The following FBXO11 variants were observed in gnomAD, a reference collection of about 807,000 sequenced individuals.
FBXO11 encodes the protein F-box protein 11, also known as F-box only protein 11.
In FBXO11, 13 loss-of-function variants were observed where a neutral mutation model predicts 117.0. The ratio of observed to expected loss-of-function variants is 0.11; its 90% CI spans 0.07 to 0.18. The LOEUF (loss-of-function observed/expected upper bound fraction) is 0.18, where lower values mean the gene tolerates loss of function less well. FBXO11 is among the 10% of genes least tolerant of loss of function. The pLI is 1.00. For missense variants in FBXO11, 767 were observed against 1,164.4 expected, an observed-to-expected ratio of 0.66 and a Z score of 4.97; for synonymous variants, 490 against 380.5, an observed-to-expected ratio of 1.29 and a Z score of -3.35.
At chr2:47,825,093 T>C (rs1671652075) in intron 11 of FBXO11, among the ~76,000 whole-genome samples, 1 of 131,424 alleles carries the variant, frequency 7.6e-6, no homozygotes, top group African/African-American at 2.5e-5. Context: ...TTTGATGAAT[T>C]TTTTTTGCCA....
chr2:47,901,154 CAT>C (rs374335784), intron 1 of FBXO11, among the ~76,000 whole-genome samples: 2 of 109,322 alleles, frequency 1.8e-5, no homozygotes, highest in Non-Finnish European at 1.9e-5. Flanking sequence ...CACGTGTGTA[CAT>C]ATATACATAT....
chr2:47,903,711 G>C (rs967773738), intron 1 of FBXO11, among the ~76,000 whole-genome samples: 2 of 152,136 alleles, frequency 1.3e-5, no homozygotes, highest in Non-Finnish European at 2.9e-5. Context: ...TCTTGAAAAA[G>C]CTTACTGTAG....
chr2:47,834,626 G>C lies in FBXO11; in HGVS notation c.887C>G (p.Thr296Ser). 1 of 1,605,578 alleles carries C rather than the reference G, an allele frequency of 6.2e-7. No individual in the cohort carries two copies. Among genetic ancestry groups the C allele is most frequent in the Non-Finnish European group, 8.5e-7 (1 of 1,174,256 alleles). ...GLIFVHSGIY[T>S]DEWIYIESPI... Reference sequence around the variant, plus strand: ...AGATTCAATATATATCCATTCATCAGTATATATTCCAGAATGAACAAAGAT... The same window carrying C: ...AGATTCAATATATATCCATTCATCACTATATATTCCAGAATGAACAAAGAT... The change falls in exon 7 of 23, where the codon ACT becomes AGT. Residue 296 changes from threonine (T) to serine (S), a missense_variant. Transcript: ENST00000403359.
At chr2:47,884,969 A>C (rs1195516159) in intron 1 of FBXO11, among the ~76,000 whole-genome samples, 1 of 152,232 alleles carries the variant, frequency 6.6e-6, no homozygotes, top group Admixed American at 6.5e-5. Flanking sequence ...TCTATTAATG[A>C]GGAAATACAT....
intron 1 of FBXO11, among the ~76,000 whole-genome samples, chr2:47,868,576 C>T (rs1392046666): frequency 6.6e-6 from 1 of 152,116 alleles, no homozygotes; most frequent in Non-Finnish European, 1.5e-5. Flanking sequence ...CTACTTTAAT[C>T]GCCCACATTC....
intron 1 of FBXO11, among the ~76,000 whole-genome samples, chr2:47,893,886 A>G (rs1238949287): frequency 1.3e-5 from 2 of 152,228 alleles, no homozygotes; most frequent in Non-Finnish European, 2.9e-5. Context: ...GAATGTGGCT[A>G]TGTGTTGAAA....
Position 47,808,406 on chromosome 2 carries a change from T to A in FBXO11, c.2577A>T (p.Thr859=). The part of the protein sequence containing the change: ...DFYRCHTCNT[T]DRNAICVNCI... Reference sequence around the variant, plus strand: ...AGTTCACACATATGGCATTTCGATCTGTGGTGTTACAAGTATGACATCTAA... The same window carrying A: ...AGTTCACACATATGGCATTTCGATCAGTGGTGTTACAAGTATGACATCTAA... The change falls in exon 22 of 23, where the codon ACA becomes ACT. Residue 859 remains threonine (T), a synonymous_variant. Transcript: ENST00000403359. 6.2e-7 allele frequency: 1 copy of A among 1,602,798 alleles called. No individual in the cohort carries two copies. The highest frequency in any genetic ancestry group is 8.5e-7 in the Non-Finnish European group (1 of 1,175,954).
intron 1 of FBXO11, among the ~76,000 whole-genome samples, chr2:47,846,157 T>C (rs941328452): frequency 4.6e-5 from 7 of 152,110 alleles, no homozygotes; most frequent in Non-Finnish European, 7.4e-5. Flanking sequence ...TGCCAACAAG[T>C]CTAAAAGCAA....
intron 1 of FBXO11, among the ~76,000 whole-genome samples, chr2:47,860,414 T>G (rs1674671451): frequency 1.3e-5 from 2 of 151,500 alleles, no homozygotes; most frequent in South Asian, 4.2e-4. Flanking sequence ...CCCTGGATTT[T>G]TTTTTTTTTT....
intron 4 of FBXO11, chr2:47,836,991 G>C: frequency 6.0e-6 from 2 of 334,816 alleles, no homozygotes; most frequent in Non-Finnish European, 5.8e-6. Flanking sequence ...GCCCACTTCA[G>C]CCTCCCAAAG....
At chr2:47,835,798 T>C (rs2104831310) in intron 5 of FBXO11, 74 bp downstream of exon 5, 2 of 1,264,970 alleles carry the variant, frequency 1.6e-6, no homozygotes, top group East Asian at 2.9e-5. Flanking sequence ...ACGCCCAGCC[T>C]AAACTTATTT....
chr2:47,893,055 T>G (rs1677379116), intron 1 of FBXO11, among the ~76,000 whole-genome samples: 1 of 151,940 alleles, frequency 6.6e-6, no homozygotes, highest in South Asian at 2.1e-4. Flanking sequence ...ATCCGGAGGC[T>G]GAGGCACAAG....
At chr2:47,900,867 C>CACACACGTGTATATATATACACGTATAT (rs1337762363) in intron 1 of FBXO11, among the ~76,000 whole-genome samples, 2 of 135,944 alleles carry the variant, frequency 1.5e-5, no homozygotes, top group Admixed American at 7.2e-5. Context: ...CACGTATACA[C>CACACACGTGTATATATATACACGTATAT]ACACACGTGT....
In FBXO11 at chr2:47,812,398, C is replaced by T. The variant is rs192132276; in HGVS notation, c.2227+836G>A. ...AAATATCTACTCATTTTTCAAAACA[C>T]GGCTCAAAAGTGATTTGACTTGCGT... On this transcript the variant is annotated intron_variant, in intron 18 of 22. Coordinates refer to ENST00000403359, the MANE Select transcript of FBXO11 (RefSeq NM_001190274.2). Among the ~76,000 whole-genome samples, 103 of 152,314 alleles carry T rather than the reference C, an allele frequency of 6.8e-4. 1 individual carries two copies. The highest frequency in any genetic ancestry group is 1.6e-3 in the Admixed American group (24 of 15,302).
intron 17 of FBXO11, 48 bp from the exon 18 acceptor site, chr2:47,813,425 A>ATT (rs564540671): frequency 0.023 from 8,956 of 383,038 alleles, 23 homozygotes; most frequent in South Asian, 0.048. Flanking sequence ...TTTCTTTTTA[A>ATT]TTTTTTTTTT....
chr2:47,829,491 C>A (rs932135260), intron 11 of FBXO11, among the ~76,000 whole-genome samples: 1 of 152,018 alleles, frequency 6.6e-6, no homozygotes, highest in Non-Finnish European at 1.5e-5. Flanking sequence ...TCTGCCTGCT[C>A]GGCCTCCCAA....
chr2:47,832,379 A>G lies in FBXO11; in HGVS notation c.1368T>C (p.Asp456=), dbSNP rs757030314. The G allele has an allele frequency of 5.6e-6, 9 of 1,613,206 alleles. No homozygotes were observed. The South Asian group carries it at 9.9e-5, about 18-fold the overall frequency. ...IRRNHIHHGR[D]VGVFTFDHGM... ...CATGATCAAATGTGAACACACCAAC[A>G]TCACGTCCATGATGAATATGATTCC... The change falls in exon 11 of 23, where the codon GAT becomes GAC. Residue 456 remains aspartate (D), a synonymous_variant. Transcript: ENST00000403359.
intron 1 of FBXO11, among the ~76,000 whole-genome samples, chr2:47,904,646 A>G (rs1276208458): frequency 6.6e-6 from 1 of 151,534 alleles, no homozygotes; most frequent in South Asian, 2.1e-4. Context: ...GGCCAGTTCT[A>G]AGCAAGGGGC....
chr2:47,905,437 C>T, intron 1 of FBXO11, 52 bp downstream of exon 1: 1 of 1,194,720 alleles, frequency 8.4e-7, no homozygotes, highest in Non-Finnish European at 1.0e-6. Flanking sequence ...CCCCGGCCTC[C>T]CTTCCCGCGG....
Sources: gnomAD v4.1 joint callset for allele counts (sites outside exome capture counted in the v4.1 genomes callset) on GRCh38, gnomAD v4.1.1 for gene constraint, MANE v1.5 for transcripts, NCBI Gene and HGNC (gene_info 2026-07-23, HGNC 2026-07-21) for gene names.